Variants in CD247 observed in about 807,000 individuals in gnomAD.
CD247 encodes CD247 molecule, also known as T-cell surface glycoprotein CD3 zeta chain.
CD247 carries 13 observed loss-of-function variants against 30.0 expected under a neutral mutation model. That is an observed-to-expected ratio of 0.43 (90% confidence interval 0.28 to 0.69). CD247 has a LOEUF of 0.69. Ranked by LOEUF, CD247 falls within the 30% of genes least tolerant of loss-of-function variation. The pLI, the probability that CD247 is intolerant of heterozygous loss-of-function variation, is 0.16. For synonymous variants in CD247, 72 were observed against 80.0 expected, an observed-to-expected ratio of 0.90 and a Z score of 0.53; for missense variants, 193 against 212.6, an observed-to-expected ratio of 0.91 and a Z score of 0.57.
intron 6 of CD247, 98 bp from the exon 7 acceptor site, chr1:167,433,157 C>G: frequency 8.1e-7 from 1 of 1,240,150 alleles, no homozygotes; most frequent in Non-Finnish European, 1.2e-6. Context: ...CCCAGGAAGT[C>G]AGAGGTAACT....
At position 167,438,624 on chromosome 1, in the gene CD247, C is replaced by T. The variant is rs34940956; in HGVS notation, c.246G>A (p.Glu82=). 3.5e-3 allele frequency: 5,578 copies of T among 1,614,060 alleles called. 166 individuals are homozygous for T. The African/African-American group carries it at 0.065, about 19-fold the overall frequency. The change falls in exon 4 of 8, where the codon GAG becomes GAA. Residue 82 remains glutamate (E), a synonymous_variant. Transcript: ENST00000362089. ...YNELNLGRRE[E]YDVLDKRRGR... ...CACGTCTCTTGTCCAAAACATCGTA[C>T]TCCTCTCTTCGTCCTAGATTGAGCT...
chr1:167,441,255 C>T (rs899798832), intron 1 of CD247, among the ~76,000 whole-genome samples: 1 of 152,224 alleles, frequency 6.6e-6, no homozygotes, highest in African/African-American at 2.4e-5. Flanking sequence ...TGACAGTTAA[C>T]TAGGACAGGG....
chr1:167,513,412 A>T (rs1046044825), intron 1 of CD247, among the ~76,000 whole-genome samples: 2 of 152,182 alleles, frequency 1.3e-5, no homozygotes, highest in African/African-American at 4.8e-5. Flanking sequence ...TTTTGAAAAA[A>T]ATTTAATTAA....
chr1:167,490,198 C>A (rs527979490), intron 1 of CD247, among the ~76,000 whole-genome samples: 1 of 152,240 alleles, frequency 6.6e-6, no homozygotes, highest in African/African-American at 2.4e-5. Flanking sequence ...CCTGGCCTCA[C>A]ATTTCCAAAA....
At chr1:167,473,429 T>G (rs1375682965) in intron 1 of CD247, among the ~76,000 whole-genome samples, 1 of 152,180 alleles carries the variant, frequency 6.6e-6, no homozygotes, top group Non-Finnish European at 1.5e-5. Context: ...CACAGGCTAC[T>G]AGGAGAAATG....
chr1:167,457,831 T>G (rs924745793), intron 1 of CD247: 1 of 152,264 alleles, frequency 6.6e-6, no homozygotes. Context: ...AACACCGTGA[T>G]TTCTAGTTCC....
At chr1:167,493,966 T>C (rs548347751) in intron 1 of CD247, among the ~76,000 whole-genome samples, 1 of 152,176 alleles carries the variant, frequency 6.6e-6, no homozygotes, top group Non-Finnish European at 1.5e-5. Flanking sequence ...GCTCTCACCA[T>C]TGCAGAATCT....
chr1:167,489,235 ATAATT>A (rs1654339685), intron 1 of CD247, among the ~76,000 whole-genome samples: 1 of 152,168 alleles, frequency 6.6e-6, no homozygotes. Flanking sequence ...TTCTTATATG[ATAATT>A]TAAACTATAT....
intron 1 of CD247, among the ~76,000 whole-genome samples, chr1:167,446,809 T>C (rs1192209518): frequency 1.3e-5 from 2 of 152,062 alleles, no homozygotes; most frequent in East Asian, 3.9e-4. Context: ...CTGGCTAACA[T>C]GGTGAAACCC....
chr1:167,466,538 G>C (rs1571552238), intron 1 of CD247, among the ~76,000 whole-genome samples: 1 of 152,062 alleles, frequency 6.6e-6, no homozygotes, highest in African/African-American at 2.4e-5. Context: ...TCAGTTTTAA[G>C]AGTCACCTGA....
intron 1 of CD247, among the ~76,000 whole-genome samples, chr1:167,498,225 T>C (rs927080341): frequency 6.6e-6 from 1 of 152,204 alleles, no homozygotes; most frequent in Non-Finnish European, 1.5e-5. Flanking sequence ...CAGACTTCGG[T>C]TGTCTTTCAC....
At chr1:167,496,617 C>G (rs1280191941) in intron 1 of CD247, among the ~76,000 whole-genome samples, 1 of 152,074 alleles carries the variant, frequency 6.6e-6, no homozygotes, top group East Asian at 1.9e-4. Flanking sequence ...TCTGGCTGGG[C>G]CAAGAGAGAA....
chr1:167,445,169 G>A (rs1390811224), intron 1 of CD247, among the ~76,000 whole-genome samples: 3 of 152,066 alleles, frequency 2.0e-5, no homozygotes, highest in Non-Finnish European at 4.4e-5. Flanking sequence ...CAAGTGATCT[G>A]CCCGCCTCGG....
intron 1 of CD247, among the ~76,000 whole-genome samples, chr1:167,441,771 T>C (rs560393411): frequency 6.6e-6 from 1 of 152,314 alleles, no homozygotes; most frequent in South Asian, 2.1e-4. Flanking sequence ...TGGAGTACAA[T>C]GGGCTGAAGA....
intron 1 of CD247, among the ~76,000 whole-genome samples, chr1:167,493,436 A>T (rs1654540197): frequency 6.6e-6 from 1 of 152,116 alleles, no homozygotes; most frequent in African/African-American, 2.4e-5. Flanking sequence ...GCTTCAAATC[A>T]TAAACAACTT....
chr1:167,448,854 C>T (rs1382200302), intron 1 of CD247, among the ~76,000 whole-genome samples: 1 of 152,134 alleles, frequency 6.6e-6, no homozygotes, highest in Non-Finnish European at 1.5e-5. Flanking sequence ...GAGTGAGACT[C>T]TGTCTAAAAA....
chr1:167,508,218 AC>A lies in CD247; in HGVS notation c.58+10189del, dbSNP rs547909540. Reference sequence around the variant, plus strand: ...TTACAAAGCTTTGAAAATTAGAGGCACCCCACCACTCCCACCCCAAAGAGCT... The same window carrying A: ...TTACAAAGCTTTGAAAATTAGAGGCACCCACCACTCCCACCCCAAAGAGCT... On this transcript the variant is annotated intron_variant, in intron 1 of 7. Coordinates refer to ENST00000362089, the MANE Select transcript of CD247 (RefSeq NM_198053.3). Among the ~76,000 whole-genome samples the A allele has an allele frequency of 4.6e-5, 7 of 152,072 alleles. No individual in the cohort carries two copies. In the South Asian group the frequency reaches 1.2e-3, roughly 27 times the overall value.
intron 1 of CD247, among the ~76,000 whole-genome samples, chr1:167,516,779 CT>C (rs1438360246): frequency 1.3e-5 from 2 of 152,194 alleles, no homozygotes; most frequent in African/African-American, 2.4e-5. Flanking sequence ...CTCCTGCCCC[CT>C]ATTTGTGGAA....
intron 1 of CD247, among the ~76,000 whole-genome samples, chr1:167,473,973 T>C (rs141580675): frequency 1.9e-4 from 29 of 152,266 alleles, no homozygotes; most frequent in South Asian, 1.2e-3. Context: ...TTTGGTCTTC[T>C]ATGCCGTTTT....
Sources: allele counts gnomAD v4.1 joint callset (sites outside exome capture counted in the v4.1 genomes callset), GRCh38; gene constraint gnomAD v4.1.1; transcripts MANE v1.5; gene names NCBI Gene and HGNC (gene_info 2026-07-23, HGNC 2026-07-21).